Variants in CCDC93 observed in about 807,000 individuals in gnomAD.
CCDC93 encodes the protein CCC complex scaffolding subunit CCDC93.
In CCDC93, 61 loss-of-function variants were observed where a neutral mutation model predicts 108.2. The observed-to-expected ratio is 0.56, with a 90% CI of 0.46 to 0.70. CCDC93 has a LOEUF of 0.70. Ranked by LOEUF, CCDC93 falls within the 30% of genes least tolerant of loss-of-function variation. CCDC93 has a pLI of 0.00. For missense variants in CCDC93, 685 were observed against 764.2 expected, an observed-to-expected ratio of 0.90 and a Z score of 1.22; for synonymous variants, 276 against 260.4, an observed-to-expected ratio of 1.06 and a Z score of -0.58.
At position 117,986,076 on chromosome 2, in the gene CCDC93, G is replaced by A. The variant is rs780646055; in HGVS notation, c.520-7C>T. 11 of 1,578,986 alleles carry A rather than the reference G, an allele frequency of 7.0e-6. No individual in the cohort carries two copies. Among genetic ancestry groups the A allele is most frequent in the Admixed American group, 5.0e-5 (3 of 59,524 alleles). ...GACGGGGCTTGTACACTTCCTAAGT[G>A]GATGAGACAGCCAAGTTACTGAGTG... On this transcript the variant is annotated splice_polypyrimidine_tract_variant and splice_region_variant and intron_variant, in intron 6 of 23. Transcript: ENST00000376300.
At chr2:117,983,749 C>T (rs1224925561) in intron 7 of CCDC93, among the ~76,000 whole-genome samples, 2 of 144,286 alleles carry the variant, frequency 1.4e-5, no homozygotes, top group African/African-American at 5.2e-5. Context: ...CTAGAGGAAA[C>T]AGACTGCCAG....
chr2:117,985,465 T>C (rs1329991001), intron 7 of CCDC93: 1 of 967,554 alleles, frequency 1.0e-6, no homozygotes, highest in African/African-American at 1.8e-5. Flanking sequence ...AAAAATTCAA[T>C]GGGGAGAAGC....
intron 23 of CCDC93, among the ~76,000 whole-genome samples, chr2:117,930,200 C>T (rs889725888): frequency 6.6e-6 from 1 of 152,192 alleles, no homozygotes; most frequent in Non-Finnish European, 1.5e-5. Flanking sequence ...GGAAAGACTA[C>T]ATTTTTTATT....
Position 117,916,528 on chromosome 2 carries a change from G to A in CCDC93, c.*3815C>T, listed in dbSNP as rs1168714062. 6.6e-6 allele frequency: 1 copy of A among 152,206 alleles called. No individual in the cohort carries two copies. The highest frequency in any genetic ancestry group is 1.5e-5 in the Non-Finnish European group (1 of 68,042). The allele number at this position is 152,206 out of a possible 1,614,324, so 9.4% of individuals were successfully genotyped here. A position where few individuals can be genotyped will look rare whatever the true frequency, so the allele number is the denominator to read the frequency against. On this transcript the variant is annotated 3_prime_UTR_variant, in exon 24 of 24. Coordinates refer to ENST00000376300, the MANE Select transcript of CCDC93 (RefSeq NM_019044.5). Reference sequence around the variant, plus strand: ...TAAATTTTCCTAATAGAGATGCAAAGTTGCAATGTGGAAAAGCCATTTTAT... The same window carrying A: ...TAAATTTTCCTAATAGAGATGCAAAATTGCAATGTGGAAAAGCCATTTTAT...
chr2:117,945,662 G>C (rs1020426770), intron 16 of CCDC93, 80 bp from the exon 17 acceptor site: 1 of 1,248,790 alleles, frequency 8.0e-7, no homozygotes, highest in African/African-American at 1.5e-5. Context: ...GATGTAGGAA[G>C]GGGCCAGGCA....
chr2:117,977,121 G>T, intron 8 of CCDC93, among the ~76,000 whole-genome samples: 1 of 151,950 alleles, frequency 6.6e-6, no homozygotes, highest in Non-Finnish European at 1.5e-5. Context: ...TGTATTTTTA[G>T]TAGAGACGGG....
At chr2:117,957,921 G>GT (rs1679268677) in intron 12 of CCDC93, among the ~76,000 whole-genome samples, 1 of 151,264 alleles carries the variant, frequency 6.6e-6, no homozygotes, top group Non-Finnish European at 1.5e-5. Context: ...GATGAGTGTG[G>GT]TAACTTCTCA....
At chr2:117,974,485 C>A (rs576436062) in intron 10 of CCDC93, among the ~76,000 whole-genome samples, 2 of 152,170 alleles carry the variant, frequency 1.3e-5, no homozygotes, top group African/African-American at 4.8e-5. Flanking sequence ...CTGGAAAGAC[C>A]AACTATAATC....
At chr2:117,923,847 A>AC (rs968198281) in intron 23 of CCDC93, among the ~76,000 whole-genome samples, 3 of 151,704 alleles carry the variant, frequency 2.0e-5, no homozygotes, top group South Asian at 2.1e-4. Context: ...GTGGTCCCTG[A>AC]CCCCCGAGTA....
At chr2:117,973,824 G>A in intron 11 of CCDC93, 84 bp downstream of exon 11, 1 of 1,028,556 alleles carries the variant, frequency 9.7e-7, no homozygotes, top group Non-Finnish European at 1.5e-6. Flanking sequence ...ACGGGGCACT[G>A]CTGGGGTAGT....
intron 19 of CCDC93, among the ~76,000 whole-genome samples, chr2:117,940,484 C>T (rs1678662805): frequency 6.6e-6 from 1 of 152,176 alleles, no homozygotes; most frequent in Non-Finnish European, 1.5e-5. Flanking sequence ...GGCCTCCAGG[C>T]AGGCCACTCA....
chr2:117,975,309 GC>G, intron 8 of CCDC93, 29 bp from the exon 9 acceptor site: 4 of 1,522,406 alleles, frequency 2.6e-6, no homozygotes, highest in Non-Finnish European at 3.6e-6. Context: ...AAACAGCTGA[GC>G]ACGGGAGATG....
intron 22 of CCDC93, chr2:117,931,716 T>C (rs1678339559): frequency 6.6e-6 from 1 of 152,296 alleles, no homozygotes; most frequent in Non-Finnish European, 1.5e-5. Context: ...CTACAAATTA[T>C]CATTTTAAAA....
At chr2:117,943,597 T>C (rs1282848990) in intron 18 of CCDC93, among the ~76,000 whole-genome samples, 1 of 152,236 alleles carries the variant, frequency 6.6e-6, no homozygotes, top group Non-Finnish European at 1.5e-5. Context: ...CTTTTGAGCT[T>C]CCATGAGCCA....
chr2:117,973,768 G>A (rs905983876), intron 11 of CCDC93, 140 bp downstream of exon 11: 1 of 682,462 alleles, frequency 1.5e-6, no homozygotes, highest in Non-Finnish European at 2.6e-6. Flanking sequence ...GCATGGTAAA[G>A]CCCAGTGTGT....
intron 1 of CCDC93, among the ~76,000 whole-genome samples, chr2:118,011,131 A>G (rs1677010908): frequency 6.6e-6 from 1 of 152,232 alleles, no homozygotes; most frequent in Non-Finnish European, 1.5e-5. Context: ...TGATCTACTA[A>G]TGCTTACATA....
At chr2:117,954,640 G>A (rs1245482526) in intron 12 of CCDC93, among the ~76,000 whole-genome samples, 5 of 152,030 alleles carry the variant, frequency 3.3e-5, no homozygotes, top group African/African-American at 9.7e-5. Flanking sequence ...ATCACTCTCA[G>A]GTTTCCTCTT....
At chr2:117,951,634 T>C in intron 13 of CCDC93, 3 of 1,000,278 alleles carry the variant, frequency 3.0e-6, no homozygotes, top group Non-Finnish European at 3.6e-6. Flanking sequence ...CCTTCCATAG[T>C]ACGGCTATAG....
At chr2:117,933,413 C>T (rs187583582) in intron 22 of CCDC93, among the ~76,000 whole-genome samples, 2 of 152,346 alleles carry the variant, frequency 1.3e-5, no homozygotes, top group East Asian at 3.9e-4. Context: ...ATCACCTCTT[C>T]ACACCCTAGG....
Sources: allele counts gnomAD v4.1 joint callset (sites outside exome capture counted in the v4.1 genomes callset), GRCh38; gene constraint gnomAD v4.1.1; transcripts MANE v1.5; gene names NCBI Gene and HGNC (gene_info 2026-07-23, HGNC 2026-07-21).